The following ZNF334 variants were observed in gnomAD, a reference collection of about 807,000 sequenced individuals.
ZNF334 encodes zinc finger protein 334.
A neutral mutation model predicts 12.4 loss-of-function variants in ZNF334; 14 were observed. The ratio of observed to expected loss-of-function variants is 1.13; its 90% confidence interval spans 0.74 to 1.76. The LOEUF (loss-of-function observed/expected upper bound fraction) is 1.76. Ranked by LOEUF, ZNF334 falls within the 40% of genes most tolerant of loss-of-function variation. The pLI, the probability that ZNF334 is intolerant of heterozygous loss-of-function variation, is 0.00. For synonymous variants in ZNF334, 273 were observed against 269.6 expected, an observed-to-expected ratio of 1.01 and a Z score of -0.12; for missense variants, 797 against 804.5, an observed-to-expected ratio of 0.99 and a Z score of 0.11.
At chr20:46,462,517 TCAA>T in the ZNF334 span, among the ~76,000 whole-genome samples, 1 of 152,074 alleles carries the variant, frequency 6.6e-6, no homozygotes, top group Non-Finnish European at 1.5e-5. Flanking sequence ...CACAAAAAAC[TCAA>T]CAACAAAACA....
the ZNF334 span, among the ~76,000 whole-genome samples, chr20:46,471,951 C>CA: frequency 6.6e-6 from 1 of 152,136 alleles, no homozygotes; most frequent in African/African-American, 2.4e-5. Context: ...TCAATTTCCA[C>CA]AAAAAAGCTT....
downstream of ZNF334, among the ~76,000 whole-genome samples, chr20:46,496,194 G>A (rs1291410364): frequency 6.6e-6 from 1 of 152,048 alleles, no homozygotes; most frequent in Non-Finnish European, 1.5e-5. Flanking sequence ...TCATTATACG[G>A]TCTCCATGAC....
the ZNF334 span, among the ~76,000 whole-genome samples, chr20:46,470,801 T>G: frequency 2.0e-5 from 3 of 152,218 alleles, no homozygotes; most frequent in Non-Finnish European, 4.4e-5. Flanking sequence ...CATGTTATTT[T>G]TATTACTGTA....
In ZNF334 at chr20:46,511,804, C is replaced by T. The variant is rs191486705; in HGVS notation, c.21+278G>A. Among the ~76,000 whole-genome samples, 132 of 152,254 alleles carry T rather than the reference C, an allele frequency of 8.7e-4. 1 individual carries two copies. The highest frequency in any genetic ancestry group is 3.1e-3 in the African/African-American group (129 of 41,536). Reference sequence around the variant, plus strand: ...GGCAGAACTGTCTCTACTTCACTTACTCAAAGATCATCCAAGAAAATTTTT... The same window carrying T: ...GGCAGAACTGTCTCTACTTCACTTATTCAAAGATCATCCAAGAAAATTTTT... On this transcript the variant is annotated intron_variant, in intron 2 of 4. Transcript: ENST00000692313.
the ZNF334 span, among the ~76,000 whole-genome samples, chr20:46,488,987 G>A: frequency 6.6e-6 from 1 of 151,786 alleles, no homozygotes; most frequent in East Asian, 1.9e-4. Context: ...TCTTTATAAT[G>A]TGTCTGAGTG....
intron 2 of ZNF334, chr20:46,509,710 G>A (rs1006754969): frequency 1.4e-6 from 1 of 702,462 alleles, no homozygotes; most frequent in Admixed American, 2.0e-5. Context: ...GGCCCCTCAG[G>A]AAGCTGGTAC....
chr20:46,512,403 A>G, intron 1 of ZNF334, 137 bp downstream of exon 1: 1 of 268,584 alleles, frequency 3.7e-6, no homozygotes, highest in East Asian at 7.7e-5. Flanking sequence ...AAAATTGAAA[A>G]CGTCTGAGTC....
chr20:46,483,997 T>C, the ZNF334 span, among the ~76,000 whole-genome samples: 6 of 152,234 alleles, frequency 3.9e-5, no homozygotes, highest in African/African-American at 1.4e-4. Context: ...CTGTCAAATC[T>C]TTAGTTTTGA....
chr20:46,486,839 T>G, the ZNF334 span, among the ~76,000 whole-genome samples: 1 of 152,164 alleles, frequency 6.6e-6, no homozygotes, highest in Middle Eastern at 3.2e-3. Context: ...TGGCTCCATT[T>G]TGGTAGTTTT....
At chr20:46,497,119 G>C (rs193205729), downstream of ZNF334, among the ~76,000 whole-genome samples, 1 of 152,150 alleles carries the variant, frequency 6.6e-6, no homozygotes, top group African/African-American at 2.4e-5. Flanking sequence ...ATGACTTTTG[G>C]GATCTGGGAA....
chr20:46,507,444 A>G (rs2061476792), intron 2 of ZNF334, among the ~76,000 whole-genome samples: 1 of 152,246 alleles, frequency 6.6e-6, no homozygotes, highest in East Asian at 1.9e-4. Flanking sequence ...ATGGAAAATA[A>G]TAAGCAGAAT....
Position 46,501,684 on chromosome 20 carries a change from G to T in ZNF334, c.1655C>A (p.Thr552Asn), listed in dbSNP as rs1169015628. The T allele has an allele frequency of 1.2e-6, 2 of 1,613,828 alleles. No individual in the cohort carries two copies. Among genetic ancestry groups the T allele is most frequent in the Non-Finnish European group, 1.7e-6 (2 of 1,179,962 alleles). ...RPYECNECGR[T>N]YCRKSALTHH... is the part of the protein sequence containing the mutation. ...AGTCAGGGCTGACTTCCTGCAGTAGGTTCTCCCACATTCATTGCATTCATA... is the reference window on the plus strand; with the variant it reads ...AGTCAGGGCTGACTTCCTGCAGTAGTTTCTCCCACATTCATTGCATTCATA... The change falls in exon 5 of 5, where the codon ACC becomes AAC. Residue 552 changes from threonine to asparagine, a missense_variant. Coordinates refer to ENST00000692313, the MANE Select transcript of ZNF334 (RefSeq NM_001353824.2).
the ZNF334 span, among the ~76,000 whole-genome samples, chr20:46,480,782 T>A: frequency 3.0e-4 from 45 of 152,264 alleles, no homozygotes; most frequent in Middle Eastern, 6.8e-3. Flanking sequence ...GCTAGCTGTA[T>A]CGGAGTTGAT....
the ZNF334 span, among the ~76,000 whole-genome samples, chr20:46,493,659 T>C: frequency 4.0e-5 from 6 of 151,874 alleles, no homozygotes; most frequent in African/African-American, 1.5e-4. Context: ...TGAAAGAAAA[T>C]TGAATGAAGA....
chr20:46,502,094 A>C lies in ZNF334; in HGVS notation c.1245T>G (p.Phe415Leu), dbSNP rs766979022. 7.4e-6 allele frequency: 12 copies of C among 1,614,066 alleles called. No individual in the cohort carries two copies. Among genetic ancestry groups the C allele is most frequent in the Non-Finnish European group, 1.0e-5 (12 of 1,180,032 alleles). ...YECSECEKTFFCQSALNVHRR... is the reference protein window; with the variant it reads ...YECSECEKTFLCQSALNVHRR... ...GATGCACATTGAGGGCAGATTGACA[A>C]AAGAAGGTTTTCTCACATTCACTAC... The change falls in exon 5 of 5, where the codon TTT (phenylalanine) becomes TTG (leucine). Residue 415 changes from phenylalanine to leucine, a missense_variant. By Grantham distance (22) the Phe-to-Leu change is conservative. Coordinates refer to ENST00000692313, the MANE Select transcript of ZNF334 (RefSeq NM_001353824.2).
intron 2 of ZNF334, chr20:46,505,048 A>G: frequency 4.4e-6 from 1 of 226,512 alleles, no homozygotes; most frequent in Non-Finnish European, 8.5e-6. Flanking sequence ...GTACATCTTT[A>G]AAGAGCAATG....
downstream of ZNF334, chr20:46,496,682 A>C (rs1385639969): frequency 6.6e-6 from 1 of 152,212 alleles, no homozygotes; most frequent in Non-Finnish European, 1.5e-5. Context: ...TATGCTTAGC[A>C]AGGCTTCTGC....
chr20:46,477,546 AG>A, the ZNF334 span, among the ~76,000 whole-genome samples: 4 of 152,332 alleles, frequency 2.6e-5, no homozygotes, highest in Non-Finnish European at 4.4e-5. Context: ...TATGTTGCCC[AG>A]GATGGTCTCA....
the ZNF334 span, chr20:46,476,146 C>T: frequency 6.6e-6 from 1 of 151,100 alleles, no homozygotes; most frequent in Non-Finnish European, 1.5e-5. Context: ...AAAACCAATC[C>T]CAGAAGTTAT....
Sources: gnomAD v4.1 joint callset for allele counts (sites outside exome capture counted in the v4.1 genomes callset) on GRCh38, gnomAD v4.1.1 for gene constraint, MANE v1.5 for transcripts, NCBI Gene and HGNC (gene_info 2026-07-23, HGNC 2026-07-21) for gene names.